Variants in CACNA2D3 observed in about 807,000 individuals in gnomAD.
CACNA2D3 encodes calcium voltage-gated channel auxiliary subunit alpha2delta 3, also known as voltage-dependent calcium channel subunit alpha-2/delta-3.
CACNA2D3 carries 60 observed loss-of-function variants against 160.6 expected under a neutral mutation model. That is an observed-to-expected ratio of 0.37 (90% CI 0.30 to 0.46). The LOEUF is 0.46. Among genes scored for constraint, CACNA2D3 ranks in the 20% least tolerant of loss-of-function variants. CACNA2D3 has a pLI of 1.00. For missense variants in CACNA2D3, 1,205 were observed against 1,365.0 expected, an observed-to-expected ratio of 0.88 and a Z score of 1.85; for synonymous variants, 558 against 492.9, an observed-to-expected ratio of 1.13 and a Z score of -1.75.
intron 36 of CACNA2D3, 107 bp from the exon 37 acceptor site, chr3:55,073,670 G>C: frequency 8.1e-7 from 1 of 1,239,836 alleles, no homozygotes; most frequent in Non-Finnish European, 1.2e-6. Flanking sequence ...CCTTTCCACT[G>C]TTGGAGAGAG....
intron 2 of CACNA2D3, among the ~76,000 whole-genome samples, chr3:54,199,343 T>C (rs184520671): frequency 6.6e-6 from 1 of 152,214 alleles, no homozygotes; most frequent in African/African-American, 2.4e-5. Context: ...AGAGGACTCT[T>C]TCTTGCTTTC....
At chr3:55,050,924 G>T (rs1279225446) in intron 35 of CACNA2D3, among the ~76,000 whole-genome samples, 1 of 127,634 alleles carries the variant, frequency 7.8e-6, no homozygotes, top group Admixed American at 7.5e-5. Context: ...CATTCTTCAC[G>T]TAGTTCTCGA....
intron 35 of CACNA2D3, among the ~76,000 whole-genome samples, chr3:55,025,463 C>G (rs930069860): frequency 6.6e-6 from 1 of 151,798 alleles, no homozygotes; most frequent in Admixed American, 6.6e-5. Context: ...GAAACTCCGT[C>G]TCTACTAAAA....
chr3:54,863,693 A>C (rs1018592175), intron 17 of CACNA2D3, among the ~76,000 whole-genome samples: 1 of 150,696 alleles, frequency 6.6e-6, no homozygotes, highest in Non-Finnish European at 1.5e-5. Context: ...TCAGGTTTTC[A>C]AAGCAGCCTG....
chr3:54,863,687 G>A (rs1010701614), intron 17 of CACNA2D3, among the ~76,000 whole-genome samples: 4 of 151,128 alleles, frequency 2.6e-5, no homozygotes, highest in Non-Finnish European at 5.9e-5. Flanking sequence ...GGTCATTCAG[G>A]TTTTCAAAGC....
chr3:54,608,220 C>T (rs760912479), intron 9 of CACNA2D3, among the ~76,000 whole-genome samples: 2 of 152,114 alleles, frequency 1.3e-5, no homozygotes, highest in Non-Finnish European at 2.9e-5. Context: ...CTGTCAGTTT[C>T]CTGGGTTTGA....
At chr3:54,622,754 C>T (rs1699016950) in intron 9 of CACNA2D3, among the ~76,000 whole-genome samples, 1 of 152,146 alleles carries the variant, frequency 6.6e-6, no homozygotes, top group Non-Finnish European at 1.5e-5. Context: ...GGCAGTCAGC[C>T]AGCCCCTTCC....
intron 27 of CACNA2D3, among the ~76,000 whole-genome samples, chr3:54,902,852 G>A (rs1700369573): frequency 6.6e-6 from 1 of 152,128 alleles, no homozygotes; most frequent in South Asian, 2.1e-4. Context: ...AAAATTCTTG[G>A]ATAAGAGAGA....
At chr3:54,353,901 T>A (rs1236584078) in intron 3 of CACNA2D3, among the ~76,000 whole-genome samples, 1 of 152,196 alleles carries the variant, frequency 6.6e-6, no homozygotes, top group Non-Finnish European at 1.5e-5. Context: ...AGGAGAACTA[T>A]TCTTCCGTTT....
At chr3:54,693,800 A>G (rs1395544711) in intron 11 of CACNA2D3, among the ~76,000 whole-genome samples, 1 of 152,216 alleles carries the variant, frequency 6.6e-6, no homozygotes, top group African/African-American at 2.4e-5. Flanking sequence ...AGTAAAATAA[A>G]AAAATTAAAA....
intron 9 of CACNA2D3, among the ~76,000 whole-genome samples, chr3:54,591,886 G>A (rs1189167963): frequency 2.0e-5 from 3 of 152,116 alleles, no homozygotes; most frequent in Non-Finnish European, 4.4e-5. Flanking sequence ...ACTAGAATGT[G>A]CCAGATCCTT....
At chr3:54,600,389 G>A (rs571307827) in intron 9 of CACNA2D3, among the ~76,000 whole-genome samples, 2 of 152,244 alleles carry the variant, frequency 1.3e-5, no homozygotes, top group South Asian at 2.1e-4. Flanking sequence ...ATCCTCCATC[G>A]GTAACACTTA....
intron 3 of CACNA2D3, 114 bp downstream of exon 3, chr3:54,320,672 G>A (rs956562424): frequency 1.8e-5 from 10 of 547,508 alleles, no homozygotes; most frequent in African/African-American, 3.9e-5. Context: ...CATCTATTAC[G>A]TAAATACTTT....
chr3:54,872,312 T>G (rs1699553205), intron 18 of CACNA2D3, among the ~76,000 whole-genome samples: 1 of 152,160 alleles, frequency 6.6e-6, no homozygotes, highest in Non-Finnish European at 1.5e-5. Flanking sequence ...ACGGCTGCCT[T>G]TGTGTGAATC....
chr3:54,966,670 T>G (rs1391889400), intron 27 of CACNA2D3, among the ~76,000 whole-genome samples: 6 of 151,986 alleles, frequency 3.9e-5, no homozygotes, highest in African/African-American at 1.5e-4. Context: ...AATACAAAAA[T>G]TAGCCAGGTG....
chr3:54,801,307 A>G (rs1459401901), intron 13 of CACNA2D3, among the ~76,000 whole-genome samples: 3 of 152,220 alleles, frequency 2.0e-5, no homozygotes, highest in East Asian at 3.9e-4. Flanking sequence ...TTTAAAAATG[A>G]AGGTGTTGGC....
chr3:54,591,706 C>T lies in CACNA2D3; in HGVS notation c.963+9829C>T, dbSNP rs868127636. 2.6e-5 allele frequency among the ~76,000 whole-genome samples: 4 copies of T among 151,336 alleles called. No homozygotes were observed. In the East Asian group the frequency reaches 7.8e-4, roughly 30 times the overall value. On this transcript the variant is annotated intron_variant, in intron 9 of 37. Coordinates refer to ENST00000474759, the MANE Select transcript of CACNA2D3 (RefSeq NM_018398.3). ...TGAAATTATCTGAGTCCAGGGTTGGCAGTTCTCACTGTCTCATTCTGTCTA... is the reference window on the plus strand; with the variant it reads ...TGAAATTATCTGAGTCCAGGGTTGGTAGTTCTCACTGTCTCATTCTGTCTA...
intron 35 of CACNA2D3, among the ~76,000 whole-genome samples, chr3:55,040,275 A>C (rs1028855449): frequency 2.6e-5 from 4 of 152,148 alleles, no homozygotes; most frequent in African/African-American, 7.2e-5. Context: ...AAGAGTTTCA[A>C]CATATGACTC....
At chr3:54,572,948 A>C (rs1702523972) in intron 8 of CACNA2D3, among the ~76,000 whole-genome samples, 1 of 152,226 alleles carries the variant, frequency 6.6e-6, no homozygotes, top group African/African-American at 2.4e-5. Context: ...AATCTATGTA[A>C]GTTCATTAAG....
Sources: gnomAD v4.1 joint callset for allele counts (sites outside exome capture counted in the v4.1 genomes callset) on GRCh38, gnomAD v4.1.1 for gene constraint, MANE v1.5 for transcripts, NCBI Gene and HGNC (gene_info 2026-07-23, HGNC 2026-07-21) for gene names.